The following COL15A1 variants were observed in gnomAD, a reference collection of about 807,000 sequenced individuals.
The protein encoded by COL15A1 is collagen type XV alpha 1 chain.
In COL15A1, 111 loss-of-function variants were observed where a neutral mutation model predicts 165.9. The ratio of observed to expected loss-of-function variants is 0.67; its 90% CI spans 0.57 to 0.78. COL15A1 has a LOEUF of 0.78. Ranked by LOEUF, COL15A1 falls within the 30% of genes least tolerant of loss-of-function variation. The pLI is 0.00. For synonymous variants in COL15A1, 659 were observed against 674.8 expected (o/e 0.98, Z 0.36); for missense variants, 1,745 against 1,789.7 (o/e 0.98, Z 0.45).
At chr9:99,026,198 G>T (rs1588521620) in intron 16 of COL15A1, among the ~76,000 whole-genome samples, 1 of 152,296 alleles carries the variant, frequency 6.6e-6, no homozygotes, top group East Asian at 1.9e-4. Flanking sequence ...GAATGGTGTT[G>T]CCATCTACCT....
chr9:98,959,029 T>A lies in COL15A1; in HGVS notation c.100+14779T>A, dbSNP rs145852061. Among the ~76,000 whole-genome samples the A allele has an allele frequency of 1.2e-4, 19 of 152,148 alleles. No individual in the cohort carries two copies. In the East Asian group the frequency reaches 3.7e-3, roughly 30 times the overall value. On this transcript the variant is annotated intron_variant, in intron 2 of 41. Transcript: ENST00000375001. ...TCAGCTCCTGTCATCTCTGCACTGT[T>A]GCTTTAGTTCATGGAATGGCTGAGA...
At chr9:99,010,567 G>C (rs73503727) in intron 9 of COL15A1, among the ~76,000 whole-genome samples, 1 of 152,132 alleles carries the variant, frequency 6.6e-6, no homozygotes, top group Non-Finnish European at 1.5e-5. Context: ...AGATGTTGCA[G>C]TAGATAACCT....
Position 99,003,473 on chromosome 9 carries a change from G to C in COL15A1, c.1086G>C (p.Ala362=). The C allele has an allele frequency of 6.6e-7, 1 of 1,526,302 alleles. No individual in the cohort carries two copies. Among genetic ancestry groups the C allele is most frequent in the East Asian group, 2.5e-5 (1 of 40,352 alleles). The allele number at this position is 1,526,302 out of a possible 1,614,324, so 94.5% of individuals were successfully genotyped here. ...TTCAGAATTTAGCAGCAACAGCAGC[G>C]GGGCTGGCCGAGGTGCCCATCAGCA... is the stretch of plus-strand genomic sequence containing the variant. The part of the protein sequence containing the change: ...AEEKNLAATA[A]GLAEVPISTA... Residue 362 remains alanine (A), a synonymous_variant, in exon 8 of 42, where the codon GCG becomes GCC. Coordinates refer to ENST00000375001, the MANE Select transcript of COL15A1 (RefSeq NM_001855.5).
intron 2 of COL15A1, among the ~76,000 whole-genome samples, chr9:98,957,789 C>T (rs1032724120): frequency 6.6e-6 from 1 of 152,206 alleles, no homozygotes; most frequent in Non-Finnish European, 1.5e-5. Flanking sequence ...AAGTGGTCCT[C>T]CAGCTCAGCC....
intron 39 of COL15A1, among the ~76,000 whole-genome samples, chr9:99,065,772 G>A (rs1389719306): frequency 6.6e-6 from 1 of 151,122 alleles, no homozygotes; most frequent in African/African-American, 2.4e-5. Context: ...AAGGGGTGGT[G>A]AATGGAGAAA....
intron 39 of COL15A1, 129 bp from the exon 40 acceptor site, chr9:99,066,753 T>C (rs974265324): frequency 1.9e-5 from 14 of 738,554 alleles, no homozygotes; most frequent in African/African-American, 1.6e-4. Flanking sequence ...AGGGAGGGAT[T>C]GAATAAAATG....
intron 2 of COL15A1, among the ~76,000 whole-genome samples, chr9:98,985,225 T>C (rs1227554545): frequency 2.6e-5 from 4 of 152,276 alleles, no homozygotes; most frequent in African/African-American, 9.6e-5. Context: ...ATCAATTTAG[T>C]AATTAATTAC....
At chr9:98,960,032 G>A (rs1205405948) in intron 2 of COL15A1, among the ~76,000 whole-genome samples, 2 of 152,120 alleles carry the variant, frequency 1.3e-5, no homozygotes, top group Non-Finnish European at 1.5e-5. Context: ...GAAATCCTCT[G>A]CATTTTCACC....
rs190129839 is a variant in COL15A1, at chr9:99,061,458, A to G, written c.3403-513A>G. 5.9e-4 allele frequency among the ~76,000 whole-genome samples: 90 copies of G among 152,352 alleles called. 1 individual carries two copies. In the Middle Eastern group the frequency reaches 0.014, roughly 23 times the overall value. On this transcript the variant is annotated intron_variant, in intron 36 of 41. Coordinates refer to ENST00000375001, the MANE Select transcript of COL15A1 (RefSeq NM_001855.5). ...TACAGACCTCCATTTTCTATCATGC[A>G]TTTAATGTAACTACCAAGCTAGACA...
At chr9:98,978,490 A>C (rs536290487) in intron 2 of COL15A1, among the ~76,000 whole-genome samples, 3 of 152,338 alleles carry the variant, frequency 2.0e-5, no homozygotes, top group Admixed American at 2.0e-4. Context: ...ATAGAGGAAA[A>C]GCTTTTTACT....
In COL15A1 at chr9:99,000,926, C is replaced by A. The variant is rs1242737100; in HGVS notation, c.1040C>A (p.Ala347Asp). ...ACTGACAGCGGCTCAGGGGCTGGGGCCTTCCTTGACATTGCTGAAGAAAAG... is the reference window on the plus strand; with the variant it reads ...ACTGACAGCGGCTCAGGGGCTGGGGACTTCCTTGACATTGCTGAAGAAAAG... Reference protein sequence around the residue: ...PITDSGSGAGAFLDIAEEKNL... With the variant: ...PITDSGSGAGDFLDIAEEKNL... Residue 347 changes from alanine to aspartate, a missense_variant, in exon 7 of 42, where the codon GCC (alanine) becomes GAC (aspartate). Physicochemically the swap from Ala to Asp is moderately radical, Grantham distance 126. Transcript: ENST00000375001. 1.9e-6 allele frequency: 3 copies of A among 1,565,494 alleles called. No individual in the cohort carries two copies. The highest frequency in any genetic ancestry group is 1.8e-6 in the Non-Finnish European group (2 of 1,135,746).
chr9:98,989,325 G>A lies in COL15A1; in HGVS notation c.804+67G>A, dbSNP rs7030965. ...TTAGCAGGCTGAGAATTACTAGAGG[G>A]GGCCCAGAGTCCTGGGTCTGACCTC... On this transcript the variant is annotated intron_variant, in intron 5 of 41. Coordinates refer to ENST00000375001, the MANE Select transcript of COL15A1 (RefSeq NM_001855.5). The A allele has an allele frequency of 5.5e-3, 7,085 of 1,299,022 alleles. 198 individuals are homozygous for A. In the African/African-American group the frequency reaches 0.074, roughly 14 times the overall value. 80.5% of individuals were successfully genotyped at this position (1,299,022 alleles called of 1,614,324 possible). A position where few individuals can be genotyped will look rare whatever the true frequency, so the allele number is the denominator to read the frequency against.
Position 99,052,425 on chromosome 9 carries a change from C to T in COL15A1, c.2942C>T (p.Thr981Ile), listed in dbSNP as rs560562196. The T allele has an allele frequency of 1.2e-6, 2 of 1,608,814 alleles. No individual in the cohort carries two copies. The highest frequency in any genetic ancestry group is 1.7e-4 in the Middle Eastern group (1 of 6,056). Reference sequence around the variant, plus strand: ...CATCCTGGGAGTCCAGAGCTCATCACTTTTCACGGTATACACTCCCTTCTT... The same window carrying T: ...CATCCTGGGAGTCCAGAGCTCATCATTTTTCACGGTATACACTCCCTTCTT... ...TAHPGSPELI[T>I]FHGVKGEKGS... Residue 981 changes from threonine (T) to isoleucine (I), a missense_variant, in exon 31 of 42, where the codon ACT (threonine) becomes ATT (isoleucine). Physicochemically the swap from Thr to Ile is moderately conservative, Grantham distance 89. Transcript: ENST00000375001.
chr9:99,032,776 T>A (rs1454952564), intron 16 of COL15A1, among the ~76,000 whole-genome samples: 4 of 152,244 alleles, frequency 2.6e-5, no homozygotes, highest in Non-Finnish European at 4.4e-5. Flanking sequence ...GATCTCTGTA[T>A]TAATTCTCTC....
At chr9:98,974,281 A>G (rs1312376819) in intron 2 of COL15A1, among the ~76,000 whole-genome samples, 2 of 152,186 alleles carry the variant, frequency 1.3e-5, no homozygotes, top group African/African-American at 4.8e-5. Context: ...GCTCCTCCCC[A>G]GGTGGTGAGC....
Position 99,016,032 on chromosome 9 carries a change from A to T in COL15A1, c.1560A>T (p.Thr520=). The T allele has an allele frequency of 1.2e-6, 2 of 1,614,164 alleles. No homozygotes were observed. Among genetic ancestry groups the T allele is most frequent in the Non-Finnish European group, 1.7e-6 (2 of 1,180,002 alleles). ...AAATTEEPLI[T]AGGEESGSPP... is the part of the protein sequence containing the mutation. The stretch of plus-strand genomic sequence containing the variant: ...CCACAACAGAGGAGCCCCTCATCAC[A>T]GCTGGGGGTGAAGAGTCCGGCAGCC... The change falls in exon 11 of 42, where the codon ACA becomes ACT. Residue 520 remains threonine (T), a synonymous_variant. Coordinates refer to ENST00000375001, the MANE Select transcript of COL15A1 (RefSeq NM_001855.5).
rs371627780 is a variant in COL15A1, at chr9:98,975,874, G to A, written c.101-9691G>A. Among the ~76,000 whole-genome samples, 7 of 152,260 alleles carry A rather than the reference G, an allele frequency of 4.6e-5. No individual in the cohort carries two copies. In the South Asian group the frequency reaches 1.5e-3, roughly 32 times the overall value. On this transcript the variant is annotated intron_variant, in intron 2 of 41. Transcript: ENST00000375001. ...GAGTGGGGCCCCCGTGTGTTGGGGTGCAGCTGAGCCTGACTGGAAAGATTT... is the reference window on the plus strand; with the variant it reads ...GAGTGGGGCCCCCGTGTGTTGGGGTACAGCTGAGCCTGACTGGAAAGATTT...
Position 98,955,131 on chromosome 9 carries a change from G to T in COL15A1, c.100+10881G>T, listed in dbSNP as rs77417361. The stretch of plus-strand genomic sequence containing the variant: ...GGGATTCTTCATACATCTGAGATAA[G>T]GTCCAGACACCAGCAGGTTTGAAAA... On this transcript the variant is annotated intron_variant, in intron 2 of 41. Transcript: ENST00000375001. Among the ~76,000 whole-genome samples the T allele has an allele frequency of 9.2e-3, 1,403 of 152,330 alleles. 14 individuals are homozygous for T. The highest frequency in any genetic ancestry group is 0.036 in the East Asian group (185 of 5,190).
Position 99,003,453 on chromosome 9 carries a change from AATT to A in COL15A1, c.1067_1069del (p.Asn356_Leu357delinsIle), listed in dbSNP as rs772445922. 7.3e-6 allele frequency: 11 copies of A among 1,501,684 alleles called. No individual in the cohort carries two copies. The African/African-American group carries it at 1.3e-4, about 17-fold the overall frequency. 93.0% of individuals were successfully genotyped at this position (1,501,684 alleles called of 1,614,324 possible). On this transcript the variant is annotated inframe_deletion and splice_region_variant, in exon 8 of 42. Transcript: ENST00000375001. ...TCTCTTGTGATGCCTTTGTTTTCAGAATTTAGCAGCAACAGCAGCGGGGCTGGC... is the reference window on the plus strand; with the variant it reads ...TCTCTTGTGATGCCTTTGTTTTCAGATAGCAGCAACAGCAGCGGGGCTGGC...
Sources: allele counts gnomAD v4.1 joint callset (sites outside exome capture counted in the v4.1 genomes callset), GRCh38; gene constraint gnomAD v4.1.1; transcripts MANE v1.5; gene names NCBI Gene and HGNC (gene_info 2026-07-23, HGNC 2026-07-21).